Variants in CYP2C19 observed in about 807,000 individuals in gnomAD.
CYP2C19 encodes the protein cytochrome P450 family 2 subfamily C member 19.
Under a neutral mutation model 40.9 loss-of-function variants are expected in CYP2C19, and 59 were observed. The ratio of observed to expected loss-of-function variants is 1.44; its 90% CI spans 1.17 to 1.79. CYP2C19 has a LOEUF of 1.79. CYP2C19 is among the 40% of genes most tolerant of loss of function. CYP2C19 has a pLI of 0.00. For missense variants in CYP2C19, 754 were observed against 596.9 expected (o/e 1.26, Z -2.74); for synonymous variants, 253 against 208.7 (o/e 1.21, Z -1.83).
At chr10:94,802,150 G>T (rs1848775806) in intron 5 of CYP2C19, among the ~76,000 whole-genome samples, 1 of 151,386 alleles carries the variant, frequency 6.6e-6, no homozygotes, top group African/African-American at 2.5e-5. Context: ...GCACTGATTG[G>T]TCCATTTACA....
At chr10:94,810,420 C>T (rs573302604) in intron 5 of CYP2C19, among the ~76,000 whole-genome samples, 4 of 152,204 alleles carry the variant, frequency 2.6e-5, no homozygotes, top group African/African-American at 7.2e-5. Context: ...AGGAAAGAGT[C>T]TGTCTTTTTC....
intron 5 of CYP2C19, among the ~76,000 whole-genome samples, chr10:94,794,884 T>C (rs549571514): frequency 6.6e-6 from 1 of 152,206 alleles, no homozygotes; most frequent in South Asian, 2.1e-4. Flanking sequence ...CCTAATTGAA[T>C]ACCCTTTATT....
intron 5 of CYP2C19, among the ~76,000 whole-genome samples, chr10:94,795,248 A>G (rs1165642047): frequency 2.0e-5 from 3 of 146,782 alleles, no homozygotes; most frequent in African/African-American, 7.5e-5. Context: ...GTGAGAACAT[A>G]CGGTGTTTGG....
At chr10:94,829,799 G>T (rs574580058) in intron 6 of CYP2C19, among the ~76,000 whole-genome samples, 4 of 151,252 alleles carry the variant, frequency 2.6e-5, no homozygotes, top group African/African-American at 9.7e-5. Flanking sequence ...TCTACTTTTG[G>T]TCTTTGATGA....
chr10:94,765,042 C>CACTAGACT (rs1848221449), intron 1 of CYP2C19, among the ~76,000 whole-genome samples: 1 of 152,082 alleles, frequency 6.6e-6, no homozygotes, highest in African/African-American at 2.4e-5. Context: ...GTCTAGTCCT[C>CACTAGACT]AGTGGTTTTG....
At chr10:94,831,013 C>T (rs1849325964) in intron 6 of CYP2C19, among the ~76,000 whole-genome samples, 1 of 152,172 alleles carries the variant, frequency 6.6e-6, no homozygotes, top group African/African-American at 2.4e-5. Flanking sequence ...ATCCCTACTT[C>T]CCTTCTCACC....
intron 6 of CYP2C19, 54 bp from the exon 7 acceptor site, chr10:94,842,783 A>G (rs902158057): frequency 1.9e-5 from 30 of 1,584,658 alleles, no homozygotes; most frequent in Middle Eastern, 1.7e-4. Flanking sequence ...GAATTGCTAG[A>G]ACAAATGTTC....
intron 5 of CYP2C19, among the ~76,000 whole-genome samples, chr10:94,797,957 A>AT (rs1848711319): frequency 1.3e-5 from 2 of 151,714 alleles, no homozygotes; most frequent in Admixed American, 1.3e-4. Flanking sequence ...GGATTCATTG[A>AT]TTTTTTTAAA....
chr10:94,804,427 T>G (rs543467976), intron 5 of CYP2C19, among the ~76,000 whole-genome samples: 3 of 152,344 alleles, frequency 2.0e-5, no homozygotes, highest in South Asian at 2.1e-4. Context: ...GTGGCCATGA[T>G]GCCAGGCTGC....
chr10:94,834,881 T>C (rs1849379088), intron 6 of CYP2C19, among the ~76,000 whole-genome samples: 1 of 152,178 alleles, frequency 6.6e-6, no homozygotes, highest in Non-Finnish European at 1.5e-5. Context: ...ATCCAGCTAG[T>C]CCTGTCTCTA....
intron 5 of CYP2C19, among the ~76,000 whole-genome samples, chr10:94,799,970 TTTG>T (rs1300033147): frequency 6.6e-6 from 1 of 152,132 alleles, no homozygotes; most frequent in Non-Finnish European, 1.5e-5. Flanking sequence ...CTTGGAGAAG[TTTG>T]TTATTACCGA....
At position 94,853,547 on chromosome 10, in the gene CYP2C19, C is replaced by CTTTT. The variant is rs34415420; in HGVS notation, c.*646_*649dup. Among the ~76,000 whole-genome samples, 6,702 of 139,098 alleles carry CTTTT rather than the reference C, an allele frequency of 0.048. 232 individuals carry two copies. The highest frequency in any genetic ancestry group is 0.11 in the South Asian group (470 of 4,430). 91.3% of individuals were successfully genotyped at this position (139,098 alleles called of 152,430 possible). On this transcript the variant is annotated 3_prime_UTR_variant, in exon 9 of 9. Coordinates refer to ENST00000371321, the MANE Select transcript of CYP2C19 (RefSeq NM_000769.4). Reference sequence around the variant, plus strand: ...TATTAAATGTTCCACATTGGTGTTCCTTTTTTTTTTTTTTTTGAGACAATG... The same window carrying CTTTT: ...TATTAAATGTTCCACATTGGTGTTCCTTTTTTTTTTTTTTTTTTTTGAGACAATG...
At chr10:94,828,456 G>A (rs1043118368) in intron 6 of CYP2C19, among the ~76,000 whole-genome samples, 18 of 146,996 alleles carry the variant, frequency 1.2e-4, no homozygotes, top group Non-Finnish European at 2.0e-4. Flanking sequence ...TTGGTTTAAA[G>A]TCTGTTTTAT....
At chr10:94,825,809 T>C (rs1417308782) in intron 6 of CYP2C19, among the ~76,000 whole-genome samples, 5 of 141,942 alleles carry the variant, frequency 3.5e-5, no homozygotes, top group Non-Finnish European at 7.7e-5. Flanking sequence ...TTTAAGTCTT[T>C]AATCCATCTT....
At chr10:94,801,424 G>T (rs141932959) in intron 5 of CYP2C19, among the ~76,000 whole-genome samples, 1,851 of 152,286 alleles carry the variant, frequency 0.012, 16 homozygotes, top group Non-Finnish European at 0.02. Flanking sequence ...TCTTAATCCT[G>T]AGTTCTAAGT....
At chr10:94,813,058 C>CA (rs1848950519) in intron 5 of CYP2C19, among the ~76,000 whole-genome samples, 4 of 151,612 alleles carry the variant, frequency 2.6e-5, no homozygotes. Context: ...TTTGCGTGGA[C>CA]ATCCTTTTTG....
At chr10:94,771,835 A>C (rs1020755313) in intron 1 of CYP2C19, among the ~76,000 whole-genome samples, 1 of 152,076 alleles carries the variant, frequency 6.6e-6, no homozygotes, top group Non-Finnish European at 1.5e-5. Context: ...GAATAGTTGC[A>C]CTCACCGACA....
Position 94,828,029 on chromosome 10 carries a change from C to G in CYP2C19, c.961+7392C>G, listed in dbSNP as rs1489405634. Reference sequence around the variant, plus strand: ...TTTGATTGCACTGTGGTCTGAGAGACAGTTTGCCATAATTTCTGTTCTTTT... The same window carrying G: ...TTTGATTGCACTGTGGTCTGAGAGAGAGTTTGCCATAATTTCTGTTCTTTT... On this transcript the variant is annotated intron_variant, in intron 6 of 8. Transcript: ENST00000371321. 1.7e-4 allele frequency among the ~76,000 whole-genome samples: 26 copies of G among 151,928 alleles called. No individual in the cohort carries two copies. The South Asian group carries it at 4.4e-3, about 26-fold the overall frequency.
chr10:94,772,385 A>G (rs1466834043), intron 1 of CYP2C19, among the ~76,000 whole-genome samples: 1 of 152,146 alleles, frequency 6.6e-6, no homozygotes, highest in Non-Finnish European at 1.5e-5. Flanking sequence ...GAAATCATTC[A>G]TGTAGGAGAA....
Sources: gnomAD v4.1 joint callset for allele counts (sites outside exome capture counted in the v4.1 genomes callset) on GRCh38, gnomAD v4.1.1 for gene constraint, MANE v1.5 for transcripts, NCBI Gene and HGNC (gene_info 2026-07-23, HGNC 2026-07-21) for gene names.